Variants in DENND2B observed in about 807,000 individuals in gnomAD.
The protein encoded by DENND2B is DENN domain-containing protein 2B.
Under a neutral mutation model 116.0 loss-of-function variants are expected in DENND2B, and 32 were observed. The observed-to-expected ratio is 0.28, with a 90% CI of 0.21 to 0.37. The LOEUF (loss-of-function observed/expected upper bound fraction) is 0.37. Ranked by LOEUF, DENND2B falls within the 10% of genes least tolerant of loss-of-function variation. The probability of loss-of-function intolerance (pLI) is 1.00; values close to 1 mark genes in which losing one functional copy is unlikely to be tolerated. For missense variants in DENND2B, 1,276 were observed against 1,477.7 expected (o/e 0.86, Z 2.24); for synonymous variants, 588 against 583.9 (o/e 1.01, Z -0.10).
intron 3 of DENND2B, 119 bp from the exon 4 acceptor site, chr11:8,726,328 G>C (rs1198220051): frequency 1.5e-6 from 2 of 1,355,610 alleles, no homozygotes; most frequent in Non-Finnish European, 2.0e-6. Context: ...GCTTCTGAAA[G>C]AGCATCAAGG....
chr11:8,893,951 GC>G (rs2064066748), intron 1 of DENND2B, among the ~76,000 whole-genome samples: 1 of 151,972 alleles, frequency 6.6e-6, no homozygotes, highest in Admixed American at 6.6e-5. Context: ...TCAATCCTAA[GC>G]CAAAAGAACA....
chr11:8,768,533 G>A lies in DENND2B; in HGVS notation c.-25-17808C>T, dbSNP rs144549460. Among the ~76,000 whole-genome samples, 62 of 152,210 alleles carry A rather than the reference G, an allele frequency of 4.1e-4. No individual in the cohort carries two copies. The East Asian group carries it at 9.3e-3, about 23-fold the overall frequency. On this transcript the variant is annotated intron_variant, in intron 1 of 19. Coordinates refer to ENST00000313726, the MANE Select transcript of DENND2B (RefSeq NM_213618.2). ...ACTGGCATTACAGGTATGAGCAACC[G>A]TGCCTGGCCAAATGTGCTATTTTCT...
At position 8,860,547 on chromosome 11, in the gene DENND2B, CACAA is replaced by C. The variant is rs535201383; in HGVS notation, c.-249-3115_-249-3112del. 3.9e-3 allele frequency among the ~76,000 whole-genome samples: 600 copies of C among 152,252 alleles called. 17 individuals carry two copies. Among genetic ancestry groups the C allele is most frequent in the Admixed American group, 0.037 (566 of 15,284 alleles). On this transcript the variant is annotated intron_variant, in intron 2 of 6. Transcript: ENST00000524757. ...CGCTGCTGAAAGAAACCACAGGTGA[CACAA>C]ACAAATAGAAATACACCCCATGCTC...
chr11:8,697,009 AC>A (rs1317650310), intron 17 of DENND2B, among the ~76,000 whole-genome samples: 3 of 152,010 alleles, frequency 2.0e-5, no homozygotes, highest in Non-Finnish European at 4.4e-5. Flanking sequence ...CAGGTGATCC[AC>A]CCGCCTTGGC....
At chr11:8,729,868 A>G in intron 3 of DENND2B, 82 bp downstream of exon 3, 2 of 1,536,278 alleles carry the variant, frequency 1.3e-6, no homozygotes, top group Non-Finnish European at 8.8e-7. Flanking sequence ...ACTGCGACCC[A>G]TCCTACAATC....
intron 2 of DENND2B, among the ~76,000 whole-genome samples, chr11:8,748,437 T>A (rs1396220233): frequency 1.3e-5 from 2 of 152,120 alleles, no homozygotes; most frequent in African/African-American, 4.8e-5. Flanking sequence ...AATGAACTGG[T>A]GATTTACTGC....
intron 6 of DENND2B, 198 bp from the exon 7 acceptor site, chr11:8,714,904 CT>C: frequency 1.8e-6 from 1 of 567,332 alleles, no homozygotes; most frequent in Non-Finnish European, 3.1e-6. Flanking sequence ...CTCCATATAC[CT>C]AGTCCCCCAG....
At chr11:8,696,985 C>T (rs923145393) in intron 17 of DENND2B, among the ~76,000 whole-genome samples, 2 of 152,170 alleles carry the variant, frequency 1.3e-5, no homozygotes, top group African/African-American at 2.4e-5. Context: ...AGGCTGGTCT[C>T]GAACTCCTGA....
intron 1 of DENND2B, chr11:8,794,710 G>C (rs980068144): frequency 2.6e-5 from 4 of 152,266 alleles, no homozygotes; most frequent in African/African-American, 9.6e-5. Flanking sequence ...TGCTGAAGTA[G>C]ACAGCAAAGG....
At chr11:8,824,752 A>C (rs2061907733) in intron 4 of DENND2B, among the ~76,000 whole-genome samples, 1 of 151,430 alleles carries the variant, frequency 6.6e-6, no homozygotes, top group African/African-American at 2.4e-5. Flanking sequence ...GCAGTGGCAC[A>C]ATCTCGGCTT....
chr11:8,702,918 C>A lies in DENND2B; in HGVS notation c.2572-198G>T. The A allele has an allele frequency of 3.0e-6, 2 of 672,362 alleles. No individual in the cohort carries two copies. The highest frequency in any genetic ancestry group is 2.2e-5 in the South Asian group (1 of 46,298). 41.6% of individuals were successfully genotyped at this position (672,362 alleles called of 1,614,324 possible). On this transcript the variant is annotated intron_variant, in intron 13 of 19. Transcript: ENST00000313726. This position sits in a 1 kb window ranked among gnomAD's most constrained non-coding sequence, Gnocchi z 4.6. ...GCTCTCGTAGCACTCGAACACCCAGCCTGTGGGCAAGAGGGCTGCCTGTGA... is the reference window on the plus strand; with the variant it reads ...GCTCTCGTAGCACTCGAACACCCAGACTGTGGGCAAGAGGGCTGCCTGTGA...
Position 8,707,652 on chromosome 11 carries a change from T to G in DENND2B, c.2430+125A>C. 1.1e-6 allele frequency: 1 copy of G among 914,006 alleles called. No individual in the cohort carries two copies. Among genetic ancestry groups the G allele is most frequent in the South Asian group, 1.6e-5 (1 of 61,162 alleles). The allele number at this position is 914,006 out of a possible 1,614,324, so 56.6% of individuals were successfully genotyped here. A position where few individuals can be genotyped will look rare whatever the true frequency, so the allele number is the denominator to read the frequency against. On this transcript the variant is annotated intron_variant, in intron 12 of 19. Coordinates refer to ENST00000313726, the MANE Select transcript of DENND2B (RefSeq NM_213618.2). The surrounding 1 kb of genome is among the most constrained non-coding windows in gnomAD (Gnocchi z 4.8). Reference sequence around the variant, plus strand: ...GTGTCAGAGAGCTCACTGGTACTTGTTCCTGCATTCTGTCTCCCGCTCGCT... The same window carrying G: ...GTGTCAGAGAGCTCACTGGTACTTGGTCCTGCATTCTGTCTCCCGCTCGCT...
intron 4 of DENND2B, chr11:8,718,259 G>C: frequency 8.6e-7 from 1 of 1,156,084 alleles, no homozygotes; most frequent in African/African-American, 1.5e-5. Flanking sequence ...TCCCTCTGCT[G>C]CAAACACCCC....
chr11:8,893,302 G>C (rs1483996988), intron 1 of DENND2B, among the ~76,000 whole-genome samples: 1 of 152,124 alleles, frequency 6.6e-6, no homozygotes, highest in Non-Finnish European at 1.5e-5. Context: ...TACTGAATGG[G>C]CAAAAACTGG....
At chr11:8,747,124 T>C (rs946358072) in intron 2 of DENND2B, among the ~76,000 whole-genome samples, 2 of 152,202 alleles carry the variant, frequency 1.3e-5, no homozygotes, top group Admixed American at 1.3e-4. Context: ...ATCTATCTAG[T>C]TGACTAATCA....
At chr11:8,790,983 A>G (rs1191809801) in intron 1 of DENND2B, among the ~76,000 whole-genome samples, 2 of 152,242 alleles carry the variant, frequency 1.3e-5, no homozygotes, top group Non-Finnish European at 2.9e-5. Flanking sequence ...TGTCTGGGAC[A>G]TAAGTAGGTA....
At chr11:8,745,626 C>G (rs747501543) in intron 2 of DENND2B, among the ~76,000 whole-genome samples, 1 of 152,176 alleles carries the variant, frequency 6.6e-6, no homozygotes, top group Non-Finnish European at 1.5e-5. Flanking sequence ...CTTGGGCAGC[C>G]CTTTGTTACT....
intron 11 of DENND2B, among the ~76,000 whole-genome samples, chr11:8,710,076 C>A (rs778321553): frequency 3.3e-5 from 5 of 152,184 alleles, no homozygotes; most frequent in Non-Finnish European, 5.9e-5. Context: ...TCCTTCAGGG[C>A]TCCTGCCCCC....
intron 3 of DENND2B, among the ~76,000 whole-genome samples, chr11:8,855,287 G>A (rs2063155600): frequency 6.6e-6 from 1 of 151,980 alleles, no homozygotes; most frequent in Middle Eastern, 3.4e-3. Context: ...GCCAAGCAAG[G>A]AGGGGAAGAC....
Sources: gnomAD v4.1 joint callset for allele counts (sites outside exome capture counted in the v4.1 genomes callset) on GRCh38, gnomAD v4.1.1 for gene constraint, Gnocchi (gnomAD v3.1) non-coding constraint, MANE v1.5 for transcripts, NCBI Gene and HGNC (gene_info 2026-07-23, HGNC 2026-07-21) for gene names.